FEZ2: variants seen among roughly 807,000 people sequenced by gnomAD.
FEZ2 encodes fasciculation and elongation protein zeta-2.
In FEZ2, 51 loss-of-function variants were observed where a neutral mutation model predicts 40.4. That is an observed-to-expected ratio of 1.26 (90% confidence interval 1.01 to 1.59). The LOEUF is 1.59. Among genes scored for constraint, FEZ2 ranks in the 40% most tolerant of loss-of-function variants. The pLI, the probability that FEZ2 is intolerant of heterozygous loss-of-function variation, is 0.00. For missense variants in FEZ2, 640 were observed against 438.3 expected (o/e 1.46, Z -4.11); for synonymous variants, 242 against 172.0 (o/e 1.41, Z -3.18).
At chr2:36,575,239 G>C (rs537705674) in intron 5 of FEZ2, among the ~76,000 whole-genome samples, 3 of 152,274 alleles carry the variant, frequency 2.0e-5, no homozygotes. Context: ...GCTGTAAGTG[G>C]AGTGGTGTGA....
intron 4 of FEZ2, among the ~76,000 whole-genome samples, chr2:36,580,043 G>A (rs988091429): frequency 1.3e-5 from 2 of 152,162 alleles, no homozygotes; most frequent in Non-Finnish European, 1.5e-5. Flanking sequence ...ATGTCAAGGA[G>A]AGAGGCCTCT....
intron 5 of FEZ2, 39 bp downstream of exon 5, chr2:36,578,558 G>C: frequency 6.3e-7 from 1 of 1,582,624 alleles, no homozygotes; most frequent in South Asian, 1.2e-5. Flanking sequence ...CACAGAACCT[G>C]TTTCCAGTGT....
At chr2:36,585,816 A>G in intron 2 of FEZ2, among the ~76,000 whole-genome samples, 1 of 152,214 alleles carries the variant, frequency 6.6e-6, no homozygotes, top group East Asian at 1.9e-4. Context: ...GTATAGTGTC[A>G]GGGATTGGCA....
At chr2:36,564,896 T>C (rs1668190874) in intron 5 of FEZ2, among the ~76,000 whole-genome samples, 1 of 152,216 alleles carries the variant, frequency 6.6e-6, no homozygotes, top group African/African-American at 2.4e-5. Context: ...AGCAACCCTG[T>C]CTTCTCTCCC....
intron 5 of FEZ2, among the ~76,000 whole-genome samples, chr2:36,575,320 G>C (rs192602583): frequency 2.5e-4 from 38 of 151,882 alleles, no homozygotes; most frequent in African/African-American, 8.5e-4. Flanking sequence ...AAGTAGTTGG[G>C]ACTACAGGTG....
chr2:36,555,536 A>G (rs1295461630), intron 7 of FEZ2, 147 bp downstream of exon 7: 1 of 461,252 alleles, frequency 2.2e-6, no homozygotes, highest in Non-Finnish European at 3.9e-6. Flanking sequence ...GGTAGAAGTC[A>G]GTCATGTAGC....
intron 5 of FEZ2, among the ~76,000 whole-genome samples, chr2:36,563,583 G>A (rs1668151395): frequency 6.6e-6 from 1 of 151,068 alleles, no homozygotes; most frequent in Admixed American, 6.6e-5. Context: ...CGCTTCAGTT[G>A]CAATCAACTC....
At position 36,553,186 on chromosome 2, in the gene FEZ2, G is replaced by A. The variant is rs377417871; in HGVS notation, c.1046-7C>T. On this transcript the variant is annotated splice_region_variant and splice_polypyrimidine_tract_variant and intron_variant, in intron 7 of 7. Coordinates refer to ENST00000405912, the MANE Select transcript of FEZ2 (RefSeq NM_005102.3). ...CTCTATGTAGGACACAGAACTAGAA[G>A]AAAAAGAGAACTTTTAGCTACAAAT... 1.6e-5 allele frequency: 25 copies of A among 1,550,944 alleles called. No individual in the cohort carries two copies. Among genetic ancestry groups the A allele is most frequent in the Non-Finnish European group, 2.1e-5 (24 of 1,143,616 alleles).
At chr2:36,596,798 C>T (rs1027256394) in intron 1 of FEZ2, among the ~76,000 whole-genome samples, 4 of 152,114 alleles carry the variant, frequency 2.6e-5, no homozygotes, top group African/African-American at 4.8e-5. Flanking sequence ...TCAGCCTCTC[C>T]GGAGGCTCCT....
intron 5 of FEZ2, among the ~76,000 whole-genome samples, chr2:36,573,997 A>T (rs1045760431): frequency 6.6e-6 from 1 of 152,358 alleles, no homozygotes; most frequent in East Asian, 1.9e-4. Context: ...CAGTGAGTGG[A>T]TAAACTAGTT....
rs1669286890 is a variant in FEZ2, at chr2:36,597,952, G to GGCTC, written c.190_191insGAGC (p.Pro64ArgfsTer35). ...CGGGGGCTCGGCGCCCGGATCCGAGGGGCGGAAGCACAGGCTCAGCTTCTC... is the reference window on the plus strand; with the variant it reads ...CGGGGGCTCGGCGCCCGGATCCGAGGGCTCGGCGGAAGCACAGGCTCAGCTTCTC... On this transcript the variant is annotated frameshift_variant, in exon 1 of 8. Transcript: ENST00000405912. LOFTEE classifies it high-confidence loss of function. 1.4e-6 allele frequency: 2 copies of GGCTC among 1,462,866 alleles called. No homozygotes were observed. 90.6% of individuals were successfully genotyped at this position (1,462,866 alleles called of 1,614,324 possible).
chr2:36,564,577 T>A (rs1452175177), intron 5 of FEZ2, among the ~76,000 whole-genome samples: 1 of 152,066 alleles, frequency 6.6e-6, no homozygotes, highest in Non-Finnish European at 1.5e-5. Context: ...ACATGCCCTA[T>A]CCCTAGCTCC....
rs1288042596 is a variant in FEZ2, at chr2:36,598,076, G to A, written c.67C>T (p.Gln23Ter). ...TCGGGGCTCGCGTTACAGTTCTCCTGGTCCAGGAGGCTCCGGGCCGGCTCC... is the reference window on the plus strand; with the variant it reads ...TCGGGGCTCGCGTTACAGTTCTCCTAGTCCAGGAGGCTCCGGGCCGGCTCC... ...FQEPARSLLD[Q>*]ENCNASPEPG... The change falls in exon 1 of 8, where the codon CAG (glutamine) becomes TAG (stop). Residue 23 changes from glutamine (Q) to a stop codon, truncating the protein, a stop_gained. Coordinates refer to ENST00000405912, the MANE Select transcript of FEZ2 (RefSeq NM_005102.3). LOFTEE classifies it high-confidence loss of function. 8.7e-6 allele frequency: 13 copies of A among 1,487,712 alleles called. No homozygotes were observed. Among genetic ancestry groups the A allele is most frequent in the Admixed American group, 2.2e-5 (1 of 44,926 alleles). 92.2% of individuals were successfully genotyped at this position (1,487,712 alleles called of 1,614,324 possible).
chr2:36,570,713 T>A (rs1171929337), intron 5 of FEZ2, among the ~76,000 whole-genome samples: 2 of 152,232 alleles, frequency 1.3e-5, no homozygotes, highest in Non-Finnish European at 2.9e-5. Context: ...CAAACCTATA[T>A]AGCCTGTTAC....
At chr2:36,571,307 A>G (rs189669092) in intron 5 of FEZ2, among the ~76,000 whole-genome samples, 1 of 152,356 alleles carries the variant, frequency 6.6e-6, no homozygotes, top group Non-Finnish European at 1.5e-5. Flanking sequence ...AAATGCAGCA[A>G]GATACTATCA....
chr2:36,585,781 T>C (rs1301831650), intron 2 of FEZ2, among the ~76,000 whole-genome samples: 3 of 152,088 alleles, frequency 2.0e-5, no homozygotes, highest in South Asian at 2.1e-4. Flanking sequence ...ATTGGGAAGA[T>C]GGGGAAAGGG....
intron 2 of FEZ2, 87 bp downstream of exon 2, chr2:36,590,816 G>A (rs953966168): frequency 2.5e-6 from 2 of 805,424 alleles, no homozygotes; most frequent in Non-Finnish European, 4.2e-6. Context: ...GCAGGTCAGT[G>A]AATCTGTGTT....
At chr2:36,555,124 C>A (rs1316818475) in intron 7 of FEZ2, among the ~76,000 whole-genome samples, 1 of 152,202 alleles carries the variant, frequency 6.6e-6, no homozygotes, top group Non-Finnish European at 1.5e-5. Flanking sequence ...TATTCCCACC[C>A]TGTGTGAGCC....
At chr2:36,553,535 C>T (rs1224832584) in intron 7 of FEZ2, among the ~76,000 whole-genome samples, 1 of 152,104 alleles carries the variant, frequency 6.6e-6, no homozygotes, top group Non-Finnish European at 1.5e-5. Flanking sequence ...ATTTTTATTC[C>T]TAACTAGCAG....
Sources: gnomAD v4.1 joint callset for allele counts (sites outside exome capture counted in the v4.1 genomes callset) on GRCh38, gnomAD v4.1.1 for gene constraint, MANE v1.5 for transcripts, NCBI Gene and HGNC (gene_info 2026-07-23, HGNC 2026-07-21) for gene names.